The following CRTC1 variants were observed in gnomAD, a reference collection of about 807,000 sequenced individuals.
CRTC1 encodes CREB regulated transcription coactivator 1.
A neutral mutation model predicts 66.1 loss-of-function variants in CRTC1; 18 were observed. That is an observed-to-expected ratio of 0.27 (90% CI 0.19 to 0.40). The LOEUF (loss-of-function observed/expected upper bound fraction) is 0.40, where lower values mean the gene tolerates loss of function less well. Among genes scored for constraint, CRTC1 ranks in the 10% least tolerant of loss-of-function variants. CRTC1 has a pLI of 1.00. For missense variants in CRTC1, 669 were observed against 887.9 expected (o/e 0.75, Z 3.13); for synonymous variants, 416 against 398.8 (o/e 1.04, Z -0.51).
intron 1 of CRTC1, among the ~76,000 whole-genome samples, chr19:18,742,160 C>T (rs1253604540): frequency 6.6e-6 from 1 of 152,194 alleles, no homozygotes; most frequent in African/African-American, 2.4e-5. Flanking sequence ...CAGCATCAGC[C>T]ACATGAAGGG....
chr19:18,765,558 A>C, intron 9 of CRTC1, 30 bp downstream of exon 9: 1 of 1,580,190 alleles, frequency 6.3e-7, no homozygotes. Context: ...GGCAGGTGGG[A>C]GGGGGAAAGG....
chr19:18,698,717 G>A (rs2053058250), intron 1 of CRTC1, among the ~76,000 whole-genome samples: 1 of 152,088 alleles, frequency 6.6e-6, no homozygotes, highest in East Asian at 1.9e-4. Context: ...AGTGCAGTGT[G>A]TACTTAGCAG....
chr19:18,742,807 C>T lies in CRTC1; in HGVS notation c.127-103C>T, dbSNP rs2054139970. 3 of 807,654 alleles carry T rather than the reference C, an allele frequency of 3.7e-6. No homozygotes were observed. In the African/African-American group the frequency reaches 5.0e-5, roughly 14 times the overall value. The allele number at this position is 807,654 out of a possible 1,614,324, so 50.0% of individuals were successfully genotyped here. Reference sequence around the variant, plus strand: ...GGTCCTGCAAACTTCTGCACTTAGGCTGTCAATCCCACCACTTGGGTCTTT... The same window carrying T: ...GGTCCTGCAAACTTCTGCACTTAGGTTGTCAATCCCACCACTTGGGTCTTT... On this transcript the variant is annotated intron_variant, in intron 1 of 13. Transcript: ENST00000321949.
In CRTC1 at chr19:18,760,071, G is replaced by T; in HGVS notation, c.729G>T (p.Gly243=). 1 of 1,613,152 alleles carries T rather than the reference G, an allele frequency of 6.2e-7. No individual in the cohort carries two copies. Among genetic ancestry groups the T allele is most frequent in the Non-Finnish European group, 8.5e-7 (1 of 1,179,600 alleles). ...TALIPATHNT[G]GSLPDLTNIH... The stretch of plus-strand genomic sequence containing the variant: ...TGATCCCCGCCACCCACAACACAGG[G>T]GGGTCCCTGCCCGACCTGACCAACA... Residue 243 remains glycine, a synonymous_variant, in exon 8 of 14, where the codon GGG becomes GGT. Transcript: ENST00000321949. This position sits in a 1 kb window ranked among gnomAD's most constrained non-coding sequence, Gnocchi z 6.2.
chr19:18,708,782 C>T (rs1004142151), intron 1 of CRTC1, among the ~76,000 whole-genome samples: 9 of 152,204 alleles, frequency 5.9e-5, no homozygotes, highest in Admixed American at 1.3e-4. Flanking sequence ...TGGTATCTTC[C>T]GTGGGCACTG....
At chr19:18,762,271 C>T (rs2054631184) in intron 8 of CRTC1, among the ~76,000 whole-genome samples, 1 of 152,268 alleles carries the variant, frequency 6.6e-6, no homozygotes, top group Admixed American at 6.5e-5. Flanking sequence ...CAAGGAAACA[C>T]ACAACATACG....
chr19:18,691,249 C>T lies in CRTC1; in HGVS notation c.126+7421C>T, dbSNP rs185203952. 1.5e-4 allele frequency among the ~76,000 whole-genome samples: 22 copies of T among 151,386 alleles called. No individual in the cohort carries two copies. In the East Asian group the frequency reaches 3.9e-3, roughly 27 times the overall value. On this transcript the variant is annotated intron_variant, in intron 1 of 13. Transcript: ENST00000321949. ...GATGGAGGGGGACCAGGCACAGTGG[C>T]TCACGCCTGTAATCCCAACATTTTG...
chr19:18,707,596 C>T (rs190922046), intron 1 of CRTC1, among the ~76,000 whole-genome samples: 80 of 151,914 alleles, frequency 5.3e-4, no homozygotes, highest in Middle Eastern at 3.4e-3. Context: ...CTTGAGATCC[C>T]ATATGGATTT....
In CRTC1 at chr19:18,753,637, C is replaced by T. The variant is rs1012270364; in HGVS notation, c.624+52C>T. The T allele has an allele frequency of 6.4e-6, 9 of 1,398,248 alleles. No homozygotes were observed. The Admixed American group carries it at 1.5e-4, about 23-fold the overall frequency. The allele number at this position is 1,398,248 out of a possible 1,614,324, so 86.6% of individuals were successfully genotyped here. On this transcript the variant is annotated intron_variant, in intron 6 of 13. Transcript: ENST00000321949. ...TTTTTTTCTTCTTTCTCTTCTCAAGCATCACCTGGGCAAAGGTGACAAAAT... is the reference window on the plus strand; with the variant it reads ...TTTTTTTCTTCTTTCTCTTCTCAAGTATCACCTGGGCAAAGGTGACAAAAT...
chr19:18,759,682 A>G, intron 7 of CRTC1, 91 bp downstream of exon 7: 1 of 1,411,048 alleles, frequency 7.1e-7, no homozygotes, highest in Non-Finnish European at 9.8e-7. Flanking sequence ...TGAGGTTGCA[A>G]GTCCCTGCAA....
intron 2 of CRTC1, chr19:18,744,258 GC>G: frequency 9.1e-7 from 1 of 1,099,860 alleles, no homozygotes. Flanking sequence ...CCAAGCGGCC[GC>G]CCCTGCGGCT....
chr19:18,731,906 TCTC>T (rs1350408691), intron 1 of CRTC1, among the ~76,000 whole-genome samples: 9 of 152,082 alleles, frequency 5.9e-5, no homozygotes, highest in Non-Finnish European at 1.2e-4. Context: ...AGGAACCCCC[TCTC>T]CTCACCCACC....
chr19:18,732,214 G>A (rs1272054556), intron 1 of CRTC1, among the ~76,000 whole-genome samples: 5 of 152,228 alleles, frequency 3.3e-5, no homozygotes, highest in African/African-American at 7.2e-5. Flanking sequence ...CACCCCCAGC[G>A]AGGCTGTATT....
intron 4 of CRTC1, 126 bp downstream of exon 4, chr19:18,747,240 GA>G (rs2054266277): frequency 1.5e-6 from 1 of 665,474 alleles, no homozygotes; most frequent in African/African-American, 1.9e-5. Flanking sequence ...GATGCATCCA[GA>G]AGTTTCTAGA....
intron 1 of CRTC1, among the ~76,000 whole-genome samples, chr19:18,736,128 G>A (rs1034806654): frequency 2.6e-5 from 4 of 152,190 alleles, no homozygotes. Context: ...GAGGATGAAG[G>A]CTCTTGCCCT....
Position 18,705,967 on chromosome 19 carries a change from CT to C in CRTC1, c.126+22154del, listed in dbSNP as rs71336689. 6.1e-3 allele frequency among the ~76,000 whole-genome samples: 743 copies of C among 122,272 alleles called. 5 individuals are homozygous for C. The highest frequency in any genetic ancestry group is 0.04 in the South Asian group (152 of 3,824). The allele number at this position is 122,272 out of a possible 152,430, so 80.2% of individuals were successfully genotyped here. ...CCTTTTCCTTTTCCTCTCTCTCTCT[CT>C]TTTTTTTTTTTTTTAATGCTTTTTA... On this transcript the variant is annotated intron_variant, in intron 1 of 13. Transcript: ENST00000321949.
chr19:18,738,524 A>T (rs566134224), intron 1 of CRTC1, among the ~76,000 whole-genome samples: 65 of 152,086 alleles, frequency 4.3e-4, no homozygotes, highest in African/African-American at 1.5e-3. Context: ...GAGCTGAGCC[A>T]GGCCCAGTGG....
At chr19:18,740,419 G>A (rs2054086552) in intron 1 of CRTC1, among the ~76,000 whole-genome samples, 1 of 152,138 alleles carries the variant, frequency 6.6e-6, no homozygotes, top group Admixed American at 6.5e-5. Flanking sequence ...GGTCTGTACT[G>A]GGGGCTGGTC....
chr19:18,710,625 T>A (rs1041054197), intron 1 of CRTC1, among the ~76,000 whole-genome samples: 1 of 152,190 alleles, frequency 6.6e-6, no homozygotes, highest in African/African-American at 2.4e-5. Flanking sequence ...ATTTATTTAT[T>A]TTTTGAGACA....
Sources: gnomAD v4.1 joint callset for allele counts (sites outside exome capture counted in the v4.1 genomes callset) on GRCh38, gnomAD v4.1.1 for gene constraint, Gnocchi (gnomAD v3.1) non-coding constraint, MANE v1.5 for transcripts, NCBI Gene and HGNC (gene_info 2026-07-23, HGNC 2026-07-21) for gene names.